ABCC6: variants seen among roughly 807,000 people sequenced by gnomAD.
ABCC6 encodes the protein ATP binding cassette subfamily C member 6.
A neutral mutation model predicts 169.5 loss-of-function variants in ABCC6; 126 were observed. That is an observed-to-expected ratio of 0.74 (90% CI 0.64 to 0.86). The LOEUF (loss-of-function observed/expected upper bound fraction) is 0.86, where lower values mean the gene tolerates loss of function less well. ABCC6 is among the 40% of genes least tolerant of loss of function. The probability of loss-of-function intolerance (pLI) is 0.00; values close to 1 mark genes in which losing one functional copy is unlikely to be tolerated. For synonymous variants in ABCC6, 752 were observed against 814.7 expected (o/e 0.92, Z 1.31); for missense variants, 1,733 against 1,927.2 (o/e 0.90, Z 1.89).
chr16:16,162,864 T>C, intron 24 of ABCC6, 129 bp downstream of exon 24: 1 of 1,207,902 alleles, frequency 8.3e-7, no homozygotes, highest in Non-Finnish European at 1.2e-6. Flanking sequence ...ATAGACTGCC[T>C]GTGGGATCTA....
At chr16:16,156,013 T>G (rs1402547389) in intron 27 of ABCC6, among the ~76,000 whole-genome samples, 1 of 152,188 alleles carries the variant, frequency 6.6e-6, no homozygotes, top group Non-Finnish European at 1.5e-5. Context: ...CCTCCCAGGT[T>G]CAAGCAATTC....
chr16:16,204,247 G>T (rs968638393), intron 7 of ABCC6, among the ~76,000 whole-genome samples: 1 of 152,016 alleles, frequency 6.6e-6, no homozygotes, highest in African/African-American at 2.4e-5. Flanking sequence ...GTAGAGAAGG[G>T]GTTATGCCAT....
rs141120412 is a variant in ABCC6 at position 16,190,507 on chromosome 16, C to T, written c.1432-140G>A. The T allele has an allele frequency of 1.7e-4, 149 of 887,102 alleles. No individual in the cohort carries two copies. In the African/African-American group the frequency reaches 2.1e-3, roughly 12 times the overall value. The allele number at this position is 887,102 out of a possible 1,614,324, so 55.0% of individuals were successfully genotyped here. A position where few individuals can be genotyped will look rare whatever the true frequency, so the allele number is the denominator to read the frequency against. ...CCTGTCTGCCTCTCAGCACCTCTGACCCTCACTCCTGGTCCAACCACCATC... is the reference window on the plus strand; with the variant it reads ...CCTGTCTGCCTCTCAGCACCTCTGATCCTCACTCCTGGTCCAACCACCATC... On this transcript the variant is annotated intron_variant, in intron 11 of 30. Coordinates refer to ENST00000205557, the MANE Select transcript of ABCC6 (RefSeq NM_001171.6).
chr16:16,176,987 G>GT lies in ABCC6; in HGVS notation c.2590+464dup, dbSNP rs1206609223. Among the ~76,000 whole-genome samples the GT allele has an allele frequency of 5.9e-5, 9 of 152,250 alleles. No homozygotes were observed. The East Asian group carries it at 7.7e-4, about 13-fold the overall frequency. On this transcript the variant is annotated intron_variant, in intron 19 of 30. Transcript: ENST00000205557. The stretch of plus-strand genomic sequence containing the variant: ...AACCTTGCCATGTATCCAGCACACT[G>GT]TTTTTCTGGATTATTAGAAACCCTA...
At chr16:16,166,677 C>T (rs867381290) in intron 22 of ABCC6, among the ~76,000 whole-genome samples, 2 of 151,974 alleles carry the variant, frequency 1.3e-5, no homozygotes, top group South Asian at 4.2e-4. Flanking sequence ...GTCAGGAGTT[C>T]GAGACCAGCC....
chr16:16,172,674 T>C (rs1217001281), intron 21 of ABCC6, among the ~76,000 whole-genome samples: 1 of 152,004 alleles, frequency 6.6e-6, no homozygotes, highest in Non-Finnish European at 1.5e-5. Context: ...AGACTCAGAT[T>C]GGCCTAGATT....
chr16:16,188,613 C>T (rs1036542528), intron 13 of ABCC6, among the ~76,000 whole-genome samples: 1 of 152,180 alleles, frequency 6.6e-6, no homozygotes, highest in African/African-American at 2.4e-5. Flanking sequence ...AAGGTCTGCA[C>T]ATTGCCCTCC....
rs576483544 is a variant in ABCC6, at chr16:16,198,144, C to T, written c.1215G>A (p.Ala405=). The T allele has an allele frequency of 1.2e-4, 190 of 1,609,674 alleles. 2 individuals are homozygous for T. In the South Asian group the frequency reaches 1.7e-3, roughly 14 times the overall value. ...ACACCAGATTGACCACATCACCCACCGCACTGGCCTTTCTGGAGCCGCTGG... is the reference window on the plus strand; with the variant it reads ...ACACCAGATTGACCACATCACCCACTGCACTGGCCTTTCTGGAGCCGCTGG... ...ALSSGSRKAS[A]VGDVVNLVSV... is the part of the protein sequence containing the mutation. The change falls in exon 10 of 31, where the codon GCG becomes GCA. Residue 405 remains alanine (A), a synonymous_variant. Transcript: ENST00000205557.
At chr16:16,191,348 T>G (rs2047848342) in intron 11 of ABCC6, among the ~76,000 whole-genome samples, 1 of 152,064 alleles carries the variant, frequency 6.6e-6, no homozygotes, top group South Asian at 2.1e-4. Context: ...ACTCCTGACC[T>G]CAGGTGATCT....
chr16:16,216,442 T>C (rs1228955830), intron 4 of ABCC6, among the ~76,000 whole-genome samples: 1 of 149,790 alleles, frequency 6.7e-6, no homozygotes, highest in Non-Finnish European at 1.5e-5. Context: ...AGTGAGAATA[T>C]GTAAAGTTTG....
intron 8 of ABCC6, among the ~76,000 whole-genome samples, chr16:16,203,082 C>T (rs1215264769): frequency 6.6e-6 from 1 of 152,222 alleles, no homozygotes; most frequent in Non-Finnish European, 1.5e-5. Flanking sequence ...AGAACCACCA[C>T]CCAGCTGAGC....
At chr16:16,173,217 T>C in intron 21 of ABCC6, 67 bp downstream of exon 21, 1 of 1,529,560 alleles carries the variant, frequency 6.5e-7, no homozygotes, top group Non-Finnish European at 8.9e-7. Context: ...CTACATTTGG[T>C]GGGAAGACTT....
intron 14 of ABCC6, among the ~76,000 whole-genome samples, chr16:16,186,737 A>G (rs1215146200): frequency 6.6e-6 from 1 of 151,506 alleles, no homozygotes; most frequent in Non-Finnish European, 1.5e-5. Context: ...GTACAATGTA[A>G]TAATAATAAA....
In ABCC6 at chr16:16,214,398, G is replaced by T. The variant is rs1343156604; in HGVS notation, c.526C>A (p.Leu176Met). ...GACAGCACAAACTGTGCCACCACCA[G>T]AGACAGGCATAGGTAGGTGGACAGG... ...RHLSTYLCLSLVVAQFVLSCL... is the reference protein window; with the variant it reads ...RHLSTYLCLSMVVAQFVLSCL... Residue 176 changes from leucine (L) to methionine (M), a missense_variant, in exon 5 of 31, where the codon CTG becomes ATG. By Grantham distance (15) the Leu-to-Met change is conservative. Coordinates refer to ENST00000205557, the MANE Select transcript of ABCC6 (RefSeq NM_001171.6). The T allele has an allele frequency of 1.3e-5, 20 of 1,551,170 alleles. No individual in the cohort carries two copies. Among genetic ancestry groups the T allele is most frequent in the Non-Finnish European group, 1.6e-5 (18 of 1,146,786 alleles).
intron 7 of ABCC6, among the ~76,000 whole-genome samples, chr16:16,206,173 C>T (rs1395159348): frequency 6.6e-6 from 1 of 152,210 alleles, no homozygotes; most frequent in African/African-American, 2.4e-5. Flanking sequence ...TCCTCTCCTG[C>T]AGGTCTCACC....
chr16:16,157,730 A>T lies in ABCC6; in HGVS notation c.3815T>A (p.Leu1272Gln). The T allele has an allele frequency of 6.2e-7, 1 of 1,614,054 alleles. No homozygotes were observed. The highest frequency in any genetic ancestry group is 8.5e-7 in the Non-Finnish European group (1 of 1,179,972). ...GGQIEFRDFG[L>Q]RYRPELPLAV... is the part of the protein sequence containing the mutation. The stretch of plus-strand genomic sequence containing the variant: ...CAGCGGGAGCTCAGGTCGGTATCTT[A>T]GCCCAAAGTCCCGGAACTCGATCTG... The change falls in exon 27 of 31, where the codon CTA (leucine) becomes CAA (glutamine). Residue 1272 changes from leucine (L) to glutamine (Q), a missense_variant. This residue lies in a region of ABCC6 where 1,601 missense variants were observed against 1,635.5 expected (regional missense o/e 0.98). Coordinates refer to ENST00000205557, the MANE Select transcript of ABCC6 (RefSeq NM_001171.6).
chr16:16,174,710 T>C (rs2047213545), intron 20 of ABCC6, among the ~76,000 whole-genome samples: 1 of 139,140 alleles, frequency 7.2e-6, no homozygotes, highest in African/African-American at 2.6e-5. Flanking sequence ...TGAGCCGAGA[T>C]TGTGCCATTG....
In ABCC6 at chr16:16,154,912, C is replaced by A. The variant is rs139128550; in HGVS notation, c.4002G>T (p.Gly1334=). The part of the protein sequence containing the change: ...WIDGVPIAHV[G]LHTLRSRISI... ...TGATCCTGGAGCGCAGTGTGTGCAGCCCCACGTGGGCAATGGGGACCCCGT... is the reference window on the plus strand; with the variant it reads ...TGATCCTGGAGCGCAGTGTGTGCAGACCCACGTGGGCAATGGGGACCCCGT... The change falls in exon 28 of 31, where the codon GGG becomes GGT. Residue 1334 remains glycine (G), a synonymous_variant. Coordinates refer to ENST00000205557, the MANE Select transcript of ABCC6 (RefSeq NM_001171.6). 5.6e-6 allele frequency: 9 copies of A among 1,610,142 alleles called. No homozygotes were observed. The highest frequency in any genetic ancestry group is 7.6e-6 in the Non-Finnish European group (9 of 1,178,466).
chr16:16,172,047 A>AATGG (rs2047103152), intron 21 of ABCC6, among the ~76,000 whole-genome samples: 1 of 68,630 alleles, frequency 1.5e-5, no homozygotes, highest in Non-Finnish European at 2.8e-5. Flanking sequence ...TGCATAAATG[A>AATGG]GTGGGATGGA....
Sources: allele counts gnomAD v4.1 joint callset (sites outside exome capture counted in the v4.1 genomes callset), GRCh38; gene constraint gnomAD v4.1.1; regional missense constraint gnomAD v4.1.1; transcripts MANE v1.5; gene names NCBI Gene and HGNC (gene_info 2026-07-23, HGNC 2026-07-21).